Variants in RORA observed in about 807,000 individuals in gnomAD.
The protein encoded by RORA is nuclear receptor ROR-alpha.
RORA carries 7 observed loss-of-function variants against 69.5 expected under a neutral mutation model. The ratio of observed to expected loss-of-function variants is 0.10; its 90% CI spans 0.06 to 0.19. The LOEUF (loss-of-function observed/expected upper bound fraction) is 0.19, where lower values mean the gene tolerates loss of function less well. Ranked by LOEUF, RORA falls within the 10% of genes least tolerant of loss-of-function variation. The pLI is 1.00. For missense variants in RORA, 457 were observed against 663.0 expected (o/e 0.69, Z 3.41); for synonymous variants, 261 against 240.8 (o/e 1.08, Z -0.78).
At chr15:60,749,492 C>T (rs2071693388) in intron 1 of RORA, among the ~76,000 whole-genome samples, 2 of 152,228 alleles carry the variant, frequency 1.3e-5, no homozygotes, top group East Asian at 1.9e-4. Flanking sequence ...GATTAATTTA[C>T]ACTAGCTAAG....
At chr15:60,506,996 AAAAG>A (rs2065527589) in intron 5 of RORA, among the ~76,000 whole-genome samples, 2 of 152,046 alleles carry the variant, frequency 1.3e-5, no homozygotes, top group South Asian at 2.1e-4. Context: ...TAAAAAAAAA[AAAAG>A]AAAATTATAT....
chr15:60,547,429 G>A (rs893381227), intron 2 of RORA, among the ~76,000 whole-genome samples: 31 of 151,148 alleles, frequency 2.1e-4, no homozygotes, highest in African/African-American at 6.6e-4. Context: ...AGGGTTCAAA[G>A]GATTCTCCTG....
intron 3 of RORA, among the ~76,000 whole-genome samples, chr15:60,517,862 T>C (rs2066017643): frequency 6.6e-6 from 1 of 152,190 alleles, no homozygotes; most frequent in Non-Finnish European, 1.5e-5. Context: ...GTCTGAATGA[T>C]CTCTTCTTTT....
At chr15:61,174,483 G>A (rs146103378) in intron 1 of RORA, among the ~76,000 whole-genome samples, 133 of 152,288 alleles carry the variant, frequency 8.7e-4, no homozygotes, top group Non-Finnish European at 1.5e-3. Flanking sequence ...CCCTTCTCAC[G>A]CAGCTTATGC....
chr15:60,990,927 A>C (rs1294476348), intron 1 of RORA, among the ~76,000 whole-genome samples: 3 of 152,262 alleles, frequency 2.0e-5, no homozygotes, highest in Non-Finnish European at 2.9e-5. Flanking sequence ...CTGACAACTA[A>C]GTAAAATGTT....
At chr15:61,058,645 G>C (rs1425425945) in intron 1 of RORA, among the ~76,000 whole-genome samples, 1 of 152,174 alleles carries the variant, frequency 6.6e-6, no homozygotes, top group Non-Finnish European at 1.5e-5. Context: ...GTGCTGGAGT[G>C]AGAAGAAGAA....
intron 2 of RORA, among the ~76,000 whole-genome samples, chr15:60,631,039 A>G (rs1347745166): frequency 6.6e-6 from 1 of 151,530 alleles, no homozygotes; most frequent in Non-Finnish European, 1.5e-5. Context: ...ACAGGCACCC[A>G]CCACCACACC....
At chr15:60,993,285 G>A (rs1158072793) in intron 1 of RORA, among the ~76,000 whole-genome samples, 1 of 152,046 alleles carries the variant, frequency 6.6e-6, no homozygotes, top group African/African-American at 2.4e-5. Flanking sequence ...ACATTATTGT[G>A]GGGAAGGTAT....
intron 1 of RORA, among the ~76,000 whole-genome samples, chr15:60,880,435 T>A (rs1031730484): frequency 6.6e-6 from 1 of 152,160 alleles, no homozygotes; most frequent in Non-Finnish European, 1.5e-5. Flanking sequence ...GGTCAGGAGA[T>A]CGAGACCGTC....
intron 1 of RORA, among the ~76,000 whole-genome samples, chr15:60,954,132 G>A (rs1893192094): frequency 1.4e-5 from 2 of 145,242 alleles, no homozygotes; most frequent in South Asian, 2.3e-4. Context: ...ATGAGTTCAT[G>A]TCCTTTGTAG....
chr15:61,018,610 AGCATGCATGTATATACT>A (rs1446917198), intron 1 of RORA, among the ~76,000 whole-genome samples: 3 of 152,118 alleles, frequency 2.0e-5, no homozygotes, highest in Non-Finnish European at 4.4e-5. Context: ...GTATATACGG[AGCATGCATGTATATACT>A]GCATGCATGT....
At chr15:61,030,244 C>A (rs72754758) in intron 1 of RORA, among the ~76,000 whole-genome samples, 6 of 152,200 alleles carry the variant, frequency 3.9e-5, no homozygotes, top group Non-Finnish European at 7.4e-5. Flanking sequence ...CTGATTGAGA[C>A]AATGGGTGAA....
At chr15:60,630,407 C>T (rs1038951584) in intron 2 of RORA, 6 of 152,152 alleles carry the variant, frequency 3.9e-5, no homozygotes, top group Admixed American at 1.3e-4. Context: ...TAAATAATCA[C>T]GATGGCTGAA....
At chr15:60,519,581 C>G (rs1005135471) in intron 3 of RORA, among the ~76,000 whole-genome samples, 1 of 152,178 alleles carries the variant, frequency 6.6e-6, no homozygotes, top group East Asian at 1.9e-4. Context: ...ACAAGTTATG[C>G]AGAATAAAGT....
intron 2 of RORA, among the ~76,000 whole-genome samples, chr15:60,631,673 G>A (rs958015507): frequency 6.6e-6 from 1 of 152,104 alleles, no homozygotes; most frequent in Non-Finnish European, 1.5e-5. Flanking sequence ...TTTTAACATC[G>A]GAGGGGAAAA....
At chr15:61,137,120 G>T (rs1220730964) in intron 1 of RORA, among the ~76,000 whole-genome samples, 2 of 150,746 alleles carry the variant, frequency 1.3e-5, no homozygotes, top group Non-Finnish European at 3.0e-5. Context: ...GGGTGTCCAG[G>T]GTGGCAGAGT....
intron 1 of RORA, among the ~76,000 whole-genome samples, chr15:60,930,846 G>C (rs1453609621): frequency 6.6e-6 from 1 of 152,174 alleles, no homozygotes; most frequent in African/African-American, 2.4e-5. Flanking sequence ...TGAGCCAAGA[G>C]ACCGACCCTG....
Position 60,913,248 on chromosome 15 carries a change from G to C in RORA, c.167-234562C>G, listed in dbSNP as rs545999954. On this transcript the variant is annotated intron_variant, in intron 1 of 10. Transcript: ENST00000335670. ...AGGCTCAGGGAGGGGCCCTTGGTGTGGACATGGAAATCCCTGCCATGTCCA... is the reference window on the plus strand; with the variant it reads ...AGGCTCAGGGAGGGGCCCTTGGTGTCGACATGGAAATCCCTGCCATGTCCA... Among the ~76,000 whole-genome samples, 54 of 152,206 alleles carry C rather than the reference G, an allele frequency of 3.5e-4. 3 individuals are homozygous for C. The South Asian group carries it at 0.011, about 31-fold the overall frequency.
At position 60,989,981 on chromosome 15, in the gene RORA, T is replaced by C. The variant is rs150085845; in HGVS notation, c.166+239072A>G. On this transcript the variant is annotated intron_variant, in intron 1 of 10. Transcript: ENST00000335670. ...TTTGGCTAAAAATTCTGTGATTAATTATTTTTGTCAGAGATTACTAACTTT... is the reference window on the plus strand; with the variant it reads ...TTTGGCTAAAAATTCTGTGATTAATCATTTTTGTCAGAGATTACTAACTTT... Among the ~76,000 whole-genome samples, 160 of 152,304 alleles carry C rather than the reference T, an allele frequency of 1.1e-3. 2 individuals carry two copies. Among genetic ancestry groups the C allele is most frequent in the East Asian group, 7.7e-3 (40 of 5,186 alleles).
Sources: allele counts gnomAD v4.1 joint callset (sites outside exome capture counted in the v4.1 genomes callset), GRCh38; gene constraint gnomAD v4.1.1; transcripts MANE v1.5; gene names NCBI Gene and HGNC (gene_info 2026-07-23, HGNC 2026-07-21).